The following OSBP variants were observed in gnomAD, a reference collection of about 807,000 sequenced individuals.
OSBP encodes oxysterol-binding protein 1.
Under a neutral mutation model 96.6 loss-of-function variants are expected in OSBP, and 32 were observed. The observed-to-expected ratio is 0.33, with a 90% CI of 0.25 to 0.45. OSBP has a LOEUF of 0.45. Ranked by LOEUF, OSBP falls within the 20% of genes least tolerant of loss-of-function variation. OSBP has a pLI of 1.00. For missense variants in OSBP, 653 were observed against 1,029.7 expected, an observed-to-expected ratio of 0.63 and a Z score of 5.01; for synonymous variants, 369 against 389.6, an observed-to-expected ratio of 0.95 and a Z score of 0.62.
At chr11:59,589,635 C>A (rs1455128817) in intron 9 of OSBP, among the ~76,000 whole-genome samples, 1 of 151,882 alleles carries the variant, frequency 6.6e-6, no homozygotes, top group Admixed American at 6.6e-5. Context: ...AATAAATGCA[C>A]CTTTTTAAAC....
chr11:59,576,547 T>TATA lies in OSBP; in HGVS notation c.*27_*29dup. The TATA allele has an allele frequency of 6.2e-7, 1 of 1,607,274 alleles. No homozygotes were observed. Among genetic ancestry groups the TATA allele is most frequent in the South Asian group, 1.1e-5 (1 of 89,804 alleles). On this transcript the variant is annotated 3_prime_UTR_variant, in exon 14 of 14. Coordinates refer to ENST00000263847, the MANE Select transcript of OSBP (RefSeq NM_002556.3). ...ACACATCCTCTGTCCTCTTCTCCAT[T>TATA]ATATGCTCCTCTTTTTTGTTACTGC...
At chr11:59,604,244 TA>T (rs1239046517) in intron 3 of OSBP, among the ~76,000 whole-genome samples, 1 of 152,078 alleles carries the variant, frequency 6.6e-6, no homozygotes, top group Admixed American at 6.5e-5. Context: ...AAACATTCAA[TA>T]AGGTGTTAGT....
Position 59,600,883 on chromosome 11 carries a change from T to G in OSBP, c.1125-10A>C. The G allele has an allele frequency of 2.5e-6, 4 of 1,612,316 alleles. No individual in the cohort carries two copies. Among genetic ancestry groups the G allele is most frequent in the Non-Finnish European group, 3.4e-6 (4 of 1,178,496 alleles). On this transcript the variant is annotated splice_polypyrimidine_tract_variant and intron_variant, in intron 5 of 13. Transcript: ENST00000263847. ...ATTGCTGCCAGTACGTCTGTACAGA[T>G]GGGAAACACAGGAGAATTAGAACAA...
At chr11:59,600,097 T>G (rs58646788) in intron 7 of OSBP, among the ~76,000 whole-genome samples, 4,999 of 152,312 alleles carry the variant, frequency 0.033, 233 homozygotes, top group African/African-American at 0.1. Context: ...GCTTCTGTGT[T>G]CCCTAAGCCT....
rs963301964 is a variant in OSBP, at chr11:59,593,426, T to C, written c.1678+178A>G. 17 of 620,854 alleles carry C rather than the reference T, an allele frequency of 2.7e-5. No individual in the cohort carries two copies. The African/African-American group carries it at 2.8e-4, about 10-fold the overall frequency. The allele number at this position is 620,854 out of a possible 1,614,324, so 38.5% of individuals were successfully genotyped here. The stretch of plus-strand genomic sequence containing the variant: ...ACTAGATGGGTCCTTAAAGAGTTTC[T>C]AGCCTCCACACTCATTTGATAGCTG... On this transcript the variant is annotated intron_variant, in intron 9 of 13. Coordinates refer to ENST00000263847, the MANE Select transcript of OSBP (RefSeq NM_002556.3).
chr11:59,601,978 G>A (rs928523071), intron 3 of OSBP, 140 bp from the exon 4 acceptor site: 3 of 698,460 alleles, frequency 4.3e-6, no homozygotes, highest in Admixed American at 3.0e-5. Flanking sequence ...TTATGCCAAG[G>A]TATCAGGGAC....
In OSBP at chr11:59,575,517, T is replaced by G. The variant is rs1471826459; in HGVS notation, c.*1060A>C. The G allele has an allele frequency of 6.6e-6, 1 of 152,630 alleles. No individual in the cohort carries two copies. The highest frequency in any genetic ancestry group is 2.4e-5 in the African/African-American group (1 of 41,460). The allele number at this position is 152,630 out of a possible 1,614,324, so 9.5% of individuals were successfully genotyped here. Reference sequence around the variant, plus strand: ...AAATCAAACCAAAAAATTAGATTTTTCTCTACATATATATAATATACAGAT... The same window carrying G: ...AAATCAAACCAAAAAATTAGATTTTGCTCTACATATATATAATATACAGAT... On this transcript the variant is annotated 3_prime_UTR_variant, in exon 14 of 14. Coordinates refer to ENST00000263847, the MANE Select transcript of OSBP (RefSeq NM_002556.3).
At position 59,576,399 on chromosome 11, in the gene OSBP, G is replaced by T; in HGVS notation, c.*178C>A. The T allele has an allele frequency of 1.5e-6, 1 of 677,992 alleles. No homozygotes were observed. The highest frequency in any genetic ancestry group is 2.5e-6 in the Non-Finnish European group (1 of 403,814). The allele number at this position is 677,992 out of a possible 1,614,324, so 42.0% of individuals were successfully genotyped here. A position where few individuals can be genotyped will look rare whatever the true frequency, so the allele number is the denominator to read the frequency against. On this transcript the variant is annotated 3_prime_UTR_variant, in exon 14 of 14. Transcript: ENST00000263847. ...TCGATTTCAGTTTCAATCAGCTAAG[G>T]CAACCAGCCAATCACCACCACTGGT...
rs1272519229 is a variant in OSBP, at chr11:59,613,126, T to C, written c.362+2177A>G. 3.3e-5 allele frequency among the ~76,000 whole-genome samples: 5 copies of C among 152,228 alleles called. No homozygotes were observed. The South Asian group carries it at 6.2e-4, about 19-fold the overall frequency. ...ACCAGAAGAATCCTGCAGGAAAAAA[T>C]AAACTGCCAGTATACTTGATAGGAG... On this transcript the variant is annotated intron_variant, in intron 1 of 13. Coordinates refer to ENST00000263847, the MANE Select transcript of OSBP (RefSeq NM_002556.3).
chr11:59,610,978 C>CA (rs1194357568), intron 1 of OSBP, among the ~76,000 whole-genome samples: 2 of 151,054 alleles, frequency 1.3e-5, no homozygotes, highest in Non-Finnish European at 3.0e-5. Flanking sequence ...TACTAAAAAT[C>CA]AAAAAAATTA....
intron 9 of OSBP, among the ~76,000 whole-genome samples, chr11:59,583,631 T>G (rs1294886877): frequency 2.0e-5 from 3 of 146,380 alleles, no homozygotes; most frequent in Admixed American, 1.4e-4. Context: ...ATTCTAAATC[T>G]CTGTTTTTTT....
At chr11:59,588,661 C>T (rs762837248) in intron 9 of OSBP, among the ~76,000 whole-genome samples, 1 of 151,876 alleles carries the variant, frequency 6.6e-6, no homozygotes, top group Non-Finnish European at 1.5e-5. Context: ...CTGACCAGTA[C>T]ACTTAAGAAT....
chr11:59,609,537 G>A (rs527293649), intron 2 of OSBP, among the ~76,000 whole-genome samples: 32 of 150,844 alleles, frequency 2.1e-4, no homozygotes, highest in African/African-American at 5.6e-4. Flanking sequence ...ACAGAGAGAC[G>A]GGGCCAAAGT....
intron 7 of OSBP, among the ~76,000 whole-genome samples, chr11:59,596,584 C>T (rs1485588367): frequency 7.1e-6 from 1 of 140,328 alleles, no homozygotes; most frequent in East Asian, 1.9e-4. Context: ...AAATTAGGCA[C>T]CCAAAAAAAA....
rs1860403469 is a variant in OSBP at position 59,580,100 on chromosome 11, T to C, written c.1878+74A>G. 9 of 963,594 alleles carry C rather than the reference T, an allele frequency of 9.3e-6. No homozygotes were observed. The East Asian group carries it at 1.7e-4, about 18-fold the overall frequency. The allele number at this position is 963,594 out of a possible 1,614,324, so 59.7% of individuals were successfully genotyped here. Reference sequence around the variant, plus strand: ...CCATACCACCCCACATGTATATACATTCCAGTCCTAAAGGAGTATGCTTTC... The same window carrying C: ...CCATACCACCCCACATGTATATACACTCCAGTCCTAAAGGAGTATGCTTTC... On this transcript the variant is annotated intron_variant, in intron 11 of 13. Coordinates refer to ENST00000263847, the MANE Select transcript of OSBP (RefSeq NM_002556.3).
intron 1 of OSBP, among the ~76,000 whole-genome samples, chr11:59,613,456 A>G (rs548508278): frequency 6.6e-6 from 1 of 152,350 alleles, no homozygotes; most frequent in East Asian, 1.9e-4. Context: ...TGGAAAGTGG[A>G]TCCGGTAAGA....
Position 59,578,158 on chromosome 11 carries a change from T to C in OSBP, c.2051A>G (p.Asn684Ser). 1 of 1,614,064 alleles carries C rather than the reference T, an allele frequency of 6.2e-7. No individual in the cohort carries two copies. Among genetic ancestry groups the C allele is most frequent in the Non-Finnish European group, 8.5e-7 (1 of 1,179,932 alleles). ...EESRVMLWKR[N>S]PLPKNAENMY... The stretch of plus-strand genomic sequence containing the variant: ...GCATGCTGATACTCACGGTAAAGGA[T>C]TCCTTTTCCACAGCATGACCCTGCT... Residue 684 changes from asparagine to serine, a missense_variant, in exon 12 of 14, where the codon AAT becomes AGT. Coordinates refer to ENST00000263847, the MANE Select transcript of OSBP (RefSeq NM_002556.3).
chr11:59,592,193 T>C (rs1860592714), intron 9 of OSBP, among the ~76,000 whole-genome samples: 1 of 152,246 alleles, frequency 6.6e-6, no homozygotes, highest in Admixed American at 6.5e-5. Flanking sequence ...CAATTAAGCA[T>C]GTAGAAGCTT....
At position 59,615,739 on chromosome 11, in the gene OSBP, C is replaced by G. The variant is rs1590682296; in HGVS notation, c.-75G>C. ...CCGTCGCCGCCCGGAGCGCCCCACA[C>G]GGCTACCGCATCAGCCACCGCCGCG... On this transcript the variant is annotated 5_prime_UTR_variant, in exon 1 of 14. Transcript: ENST00000263847. 2.0e-5 allele frequency: 25 copies of G among 1,231,916 alleles called. No individual in the cohort carries two copies. The South Asian group carries it at 6.1e-4, about 30-fold the overall frequency. The allele number at this position is 1,231,916 out of a possible 1,614,324, so 76.3% of individuals were successfully genotyped here. A position where few individuals can be genotyped will look rare whatever the true frequency, so the allele number is the denominator to read the frequency against.
Sources: allele counts gnomAD v4.1 joint callset (sites outside exome capture counted in the v4.1 genomes callset), GRCh38; gene constraint gnomAD v4.1.1; transcripts MANE v1.5; gene names NCBI Gene and HGNC (gene_info 2026-07-23, HGNC 2026-07-21).